The following AGBL1 variants were observed in gnomAD, a reference collection of about 807,000 sequenced individuals.
AGBL1 encodes cytosolic carboxypeptidase 4.
Under a neutral mutation model 118.9 loss-of-function variants are expected in AGBL1, and 130 were observed. The ratio of observed to expected loss-of-function variants is 1.09; its 90% CI spans 0.95 to 1.26. The LOEUF is 1.26. AGBL1 is among the 50% of genes most tolerant of loss of function. The pLI is 0.00. For synonymous variants in AGBL1, 555 were observed against 478.9 expected, an observed-to-expected ratio of 1.16 and a Z score of -2.08; for missense variants, 1,584 against 1,298.1, an observed-to-expected ratio of 1.22 and a Z score of -3.38.
chr15:86,389,752 A>G lies in AGBL1; in HGVS notation c.2375-7614A>G, dbSNP rs2081249195. On this transcript the variant is annotated intron_variant, in intron 17 of 22. Coordinates refer to ENST00000614907, the MANE Select transcript of AGBL1 (RefSeq NM_001386094.1). ...GAAGTACCTTGTAATCTCTGAGGTAACTGCTGAAAAAGAATAGAAGGATGT... is the reference window on the plus strand; with the variant it reads ...GAAGTACCTTGTAATCTCTGAGGTAGCTGCTGAAAAAGAATAGAAGGATGT... Among the ~76,000 whole-genome samples the G allele has an allele frequency of 2.0e-5, 3 of 152,176 alleles. No homozygotes were observed. In the South Asian group the frequency reaches 6.2e-4, roughly 32 times the overall value.
chr15:86,460,648 C>T (rs2082323802), intron 18 of AGBL1, among the ~76,000 whole-genome samples: 1 of 152,214 alleles, frequency 6.6e-6, no homozygotes, highest in African/African-American at 2.4e-5. Context: ...GTTTAACATA[C>T]ACCACGGGAA....
At chr15:86,294,517 C>T (rs372754608) in intron 16 of AGBL1, among the ~76,000 whole-genome samples, 1 of 143,296 alleles carries the variant, frequency 7.0e-6, no homozygotes, top group African/African-American at 2.6e-5. Flanking sequence ...AAATTTGTTG[C>T]TATTAGTTAG....
intron 17 of AGBL1, among the ~76,000 whole-genome samples, chr15:86,316,297 C>A (rs775303347): frequency 1.3e-5 from 2 of 152,190 alleles, no homozygotes; most frequent in Non-Finnish European, 2.9e-5. Context: ...CCAGAGGCCC[C>A]AAATGATTCC....
chr15:86,265,543 A>G (rs2079058065), intron 11 of AGBL1, among the ~76,000 whole-genome samples: 2 of 152,356 alleles, frequency 1.3e-5, no homozygotes, highest in South Asian at 4.1e-4. Context: ...AAGTGGGCAG[A>G]CCAGAAAGTT....
At chr15:86,369,471 T>G (rs2080939600) in intron 17 of AGBL1, among the ~76,000 whole-genome samples, 1 of 152,076 alleles carries the variant, frequency 6.6e-6, no homozygotes, top group Non-Finnish European at 1.5e-5. Context: ...TATATTAAAC[T>G]CCATCAACTT....
chr15:86,481,865 T>C (rs1222474138), intron 18 of AGBL1, among the ~76,000 whole-genome samples: 2 of 152,128 alleles, frequency 1.3e-5, no homozygotes, highest in Non-Finnish European at 2.9e-5. Flanking sequence ...ACTCAAGACT[T>C]GACTGCAGTA....
At chr15:86,303,050 GT>G (rs2141803725) in intron 17 of AGBL1, among the ~76,000 whole-genome samples, 1 of 152,264 alleles carries the variant, frequency 6.6e-6, no homozygotes, top group South Asian at 2.1e-4. Context: ...GGATAGTGGT[GT>G]CATGGAGTCC....
chr15:86,966,481 C>G (rs1325692171), intron 23 of AGBL1, among the ~76,000 whole-genome samples: 1 of 152,042 alleles, frequency 6.6e-6, no homozygotes, highest in African/African-American at 2.4e-5. Context: ...CCTGCTCCCA[C>G]CACCCCACCA....
intron 23 of AGBL1, among the ~76,000 whole-genome samples, chr15:86,942,359 T>C (rs2141656184): frequency 6.6e-6 from 1 of 152,344 alleles, no homozygotes; most frequent in South Asian, 2.1e-4. Flanking sequence ...TCATTTGACA[T>C]TTCTTCTAGA....
chr15:86,560,082 G>T (rs918532952), intron 21 of AGBL1, among the ~76,000 whole-genome samples: 2 of 151,960 alleles, frequency 1.3e-5, no homozygotes, highest in Admixed American at 1.3e-4. Context: ...CCCAGACCAG[G>T]GTGACCCAGT....
chr15:86,789,196 T>C (rs1217803544), intron 22 of AGBL1, among the ~76,000 whole-genome samples: 1 of 152,248 alleles, frequency 6.6e-6, no homozygotes, highest in Admixed American at 6.5e-5. Flanking sequence ...CAATTGCCTG[T>C]ACACTTGTGC....
intron 22 of AGBL1, among the ~76,000 whole-genome samples, chr15:86,787,211 T>A (rs2078425455): frequency 2.0e-5 from 3 of 152,142 alleles, no homozygotes; most frequent in Admixed American, 2.0e-4. Context: ...CCACAACATA[T>A]CCATAACCTT....
chr15:86,674,437 G>A lies in AGBL1; in HGVS notation c.3158+1G>A, dbSNP rs1236324528. 3 of 1,603,194 alleles carry A rather than the reference G, an allele frequency of 1.9e-6. No homozygotes were observed. ...ACGCTCTGGACCAGCACCTCCAACGGTAAGATGCTCCCAAGGGCTCAGAGA... is the reference window on the plus strand; with the variant it reads ...ACGCTCTGGACCAGCACCTCCAACGATAAGATGCTCCCAAGGGCTCAGAGA... On this transcript the variant is annotated splice_donor_variant, in intron 22 of 22. Coordinates refer to ENST00000614907, the MANE Select transcript of AGBL1 (RefSeq NM_001386094.1). LOFTEE classifies it high-confidence loss of function.
chr15:86,861,338 G>A (rs934188119), intron 22 of AGBL1, among the ~76,000 whole-genome samples: 4 of 152,140 alleles, frequency 2.6e-5, no homozygotes, highest in Non-Finnish European at 4.4e-5. Context: ...ATGTTAACCT[G>A]TATTGAGCTC....
intron 5 of AGBL1, among the ~76,000 whole-genome samples, chr15:86,199,769 A>T (rs1462792116): frequency 6.6e-6 from 1 of 152,172 alleles, no homozygotes; most frequent in African/African-American, 2.4e-5. Context: ...AAGTTTTTAA[A>T]ATTTGCGTAG....
intron 17 of AGBL1, among the ~76,000 whole-genome samples, chr15:86,335,483 G>C (rs1056823196): frequency 4.6e-5 from 7 of 152,124 alleles, no homozygotes; most frequent in African/African-American, 1.4e-4. Flanking sequence ...ATAGAGAGTA[G>C]GAAGAAGAGG....
chr15:86,943,616 A>G (rs898653715), intron 23 of AGBL1, among the ~76,000 whole-genome samples: 2 of 152,082 alleles, frequency 1.3e-5, no homozygotes, highest in Non-Finnish European at 2.9e-5. Flanking sequence ...TGGGTTCTCT[A>G]CCCGGCCGGC....
intron 22 of AGBL1, among the ~76,000 whole-genome samples, chr15:86,684,879 G>A (rs935539348): frequency 6.6e-6 from 1 of 152,100 alleles, no homozygotes; most frequent in South Asian, 2.1e-4. Flanking sequence ...AGATACAAAA[G>A]GCAAAGCAGT....
chr15:86,701,763 T>C (rs1327768968), intron 22 of AGBL1, among the ~76,000 whole-genome samples: 1 of 142,634 alleles, frequency 7.0e-6, no homozygotes, highest in Non-Finnish European at 1.5e-5. Flanking sequence ...TCCTTTCCCC[T>C]TCCTTTCACT....
Sources: allele counts gnomAD v4.1 joint callset (sites outside exome capture counted in the v4.1 genomes callset), GRCh38; gene constraint gnomAD v4.1.1; transcripts MANE v1.5; gene names NCBI Gene and HGNC (gene_info 2026-07-23, HGNC 2026-07-21).